The following MCPH1 variants were observed in gnomAD, a reference collection of about 807,000 sequenced individuals.
The protein encoded by MCPH1 is microcephalin 1.
A neutral mutation model predicts 84.5 loss-of-function variants in MCPH1; 104 were observed. The ratio of observed to expected loss-of-function variants is 1.23; its 90% CI spans 1.05 to 1.45. The LOEUF is 1.45. Among genes scored for constraint, MCPH1 ranks in the 40% most tolerant of loss-of-function variants. The pLI is 0.00. For synonymous variants in MCPH1, 514 were observed against 366.8 expected (o/e 1.40, Z -4.58); for missense variants, 1,498 against 1,005.7 (o/e 1.49, Z -6.62).
chr8:6,632,585 G>A (rs1338872639), intron 13 of MCPH1, among the ~76,000 whole-genome samples: 1 of 152,126 alleles, frequency 6.6e-6, no homozygotes, highest in African/African-American at 2.4e-5. Flanking sequence ...CGAGGGGGGC[G>A]GATCACAAGG....
chr8:6,441,407 C>T (rs1803491694), intron 6 of MCPH1, among the ~76,000 whole-genome samples: 1 of 148,714 alleles, frequency 6.7e-6, no homozygotes, highest in African/African-American at 2.4e-5. Flanking sequence ...TCTTTTTTTG[C>T]TGAAGTTTTC....
intron 13 of MCPH1, chr8:6,625,828 T>C: frequency 1.0e-6 from 1 of 985,422 alleles, no homozygotes; most frequent in Non-Finnish European, 1.2e-6. Flanking sequence ...CTTTATATTG[T>C]TTCTGTATCT....
chr8:6,481,014 C>T (rs998411580), intron 11 of MCPH1, 138 bp downstream of exon 11: 24 of 1,060,522 alleles, frequency 2.3e-5, no homozygotes, highest in Non-Finnish European at 2.8e-5. Flanking sequence ...TGGGAACACC[C>T]GTCTTTCCTC....
intron 12 of MCPH1, among the ~76,000 whole-genome samples, chr8:6,568,175 C>T (rs774556059): frequency 6.6e-6 from 1 of 152,096 alleles, no homozygotes; most frequent in Non-Finnish European, 1.5e-5. Context: ...AGTTGGAGGC[C>T]CTAAGGCGCA....
intron 12 of MCPH1, among the ~76,000 whole-genome samples, chr8:6,578,929 A>G (rs2442587): frequency 0.81 from 122,582 of 152,160 alleles, 49,485 homozygotes; most frequent in East Asian, 0.94. Flanking sequence ...GGCAGAGTTC[A>G]TGTTTTTCGT....
At chr8:6,612,844 G>A (rs1294965949) in intron 12 of MCPH1, among the ~76,000 whole-genome samples, 2 of 152,280 alleles carry the variant, frequency 1.3e-5, no homozygotes, top group East Asian at 1.9e-4. Flanking sequence ...AAGGCAGAGC[G>A]TGTGAGTTTA....
At chr8:6,628,833 C>T (rs1440835641) in intron 13 of MCPH1, among the ~76,000 whole-genome samples, 1 of 152,240 alleles carries the variant, frequency 6.6e-6, no homozygotes, top group Non-Finnish European at 1.5e-5. Context: ...TAATGGGAAG[C>T]TGCCCTTGGT....
In MCPH1 at chr8:6,406,879, C is replaced by CG. The variant is rs1448031750; in HGVS notation, c.22+190_22+191insG. ...CCCACCAAAACCCCCTGCTCCTGCT[C>CG]TCTCCCCCGCTGCCTGTCCCCCCAA... On this transcript the variant is annotated intron_variant, in intron 1 of 13. Transcript: ENST00000344683. 8.9e-4 allele frequency among the ~76,000 whole-genome samples: 7 copies of CG among 7,900 alleles called. No individual in the cohort carries two copies. In the East Asian group the frequency reaches 0.023, roughly 25 times the overall value. 5.2% of individuals were successfully genotyped at this position (7,900 alleles called of 152,430 possible). A position where few individuals can be genotyped will look rare whatever the true frequency, so the allele number is the denominator to read the frequency against.
At chr8:6,580,422 C>T (rs553473279) in intron 12 of MCPH1, among the ~76,000 whole-genome samples, 13 of 152,114 alleles carry the variant, frequency 8.5e-5, no homozygotes, top group South Asian at 6.2e-4. Flanking sequence ...TTTGGGAGGC[C>T]GAGGCGGGCA....
At chr8:6,591,587 T>C (rs941416933) in intron 12 of MCPH1, among the ~76,000 whole-genome samples, 3 of 152,220 alleles carry the variant, frequency 2.0e-5, no homozygotes, top group African/African-American at 7.2e-5. Flanking sequence ...GAAATATCTT[T>C]GCGGTTTCTT....
chr8:6,450,962 C>G (rs1180661673), intron 8 of MCPH1, among the ~76,000 whole-genome samples: 1 of 152,194 alleles, frequency 6.6e-6, no homozygotes, highest in Non-Finnish European at 1.5e-5. Context: ...CCCGCCTCTG[C>G]CTCCCAAAGT....
chr8:6,411,609 G>GC (rs1798551871), intron 2 of MCPH1, among the ~76,000 whole-genome samples: 1 of 152,200 alleles, frequency 6.6e-6, no homozygotes, highest in South Asian at 2.1e-4. Flanking sequence ...GAAGAACTAT[G>GC]CTACTGTTGC....
At chr8:6,465,834 G>T (rs1806827621) in intron 9 of MCPH1, among the ~76,000 whole-genome samples, 1 of 152,174 alleles carries the variant, frequency 6.6e-6, no homozygotes, top group African/African-American at 2.4e-5. Flanking sequence ...TTGAAGGCTA[G>T]AATTTACTTT....
At chr8:6,433,543 G>C (rs372894855) in intron 4 of MCPH1, among the ~76,000 whole-genome samples, 1 of 141,158 alleles carries the variant, frequency 7.1e-6, no homozygotes, top group African/African-American at 2.7e-5. Flanking sequence ...TGAGGCAGGA[G>C]AATTGCTTGA....
chr8:6,513,951 ATTCC>A (rs1815715930), intron 12 of MCPH1: 1 of 1,115,038 alleles, frequency 9.0e-7, no homozygotes, highest in African/African-American at 1.6e-5. Context: ...AATAGCAGAA[ATTCC>A]TTCTGGTGCT....
At chr8:6,587,273 C>T (rs1164620972) in intron 12 of MCPH1, among the ~76,000 whole-genome samples, 1 of 152,196 alleles carries the variant, frequency 6.6e-6, no homozygotes, top group African/African-American at 2.4e-5. Flanking sequence ...TCTCACTTGG[C>T]CATGTTGAAT....
Position 6,562,713 on chromosome 8 carries a change from A to C in MCPH1, c.2215-58741A>C, listed in dbSNP as rs765673207. The C allele has an allele frequency of 1.2e-6, 2 of 1,613,110 alleles. No individual in the cohort carries two copies. The highest frequency in any genetic ancestry group is 1.7e-5 in the Admixed American group (1 of 59,932). ...GCACTTGCAGCCTCTGCACCGAGTCATCGTATTCGAGCGGCGCGTCCCTCT... is the reference window on the plus strand; with the variant it reads ...GCACTTGCAGCCTCTGCACCGAGTCCTCGTATTCGAGCGGCGCGTCCCTCT... On this transcript the variant is annotated intron_variant, in intron 12 of 13. Transcript: ENST00000344683.
chr8:6,431,633 C>G, intron 4 of MCPH1, 47 bp downstream of exon 4: 1 of 1,292,538 alleles, frequency 7.7e-7, no homozygotes, highest in Non-Finnish European at 1.1e-6. Flanking sequence ...GGAATTTATT[C>G]GTTTTTATTT....
chr8:6,423,331 A>AT (rs1285775189), intron 3 of MCPH1, among the ~76,000 whole-genome samples: 1 of 146,050 alleles, frequency 6.8e-6, no homozygotes, highest in Non-Finnish European at 1.5e-5. Context: ...CGCCTGGCTA[A>AT]TTTTTTTGTA....
Sources: gnomAD v4.1 joint callset for allele counts (sites outside exome capture counted in the v4.1 genomes callset) on GRCh38, gnomAD v4.1.1 for gene constraint, MANE v1.5 for transcripts, NCBI Gene and HGNC (gene_info 2026-07-23, HGNC 2026-07-21) for gene names.